Variants in SMARCC1 observed in about 807,000 individuals in gnomAD.
SMARCC1 encodes the protein SWI/SNF related BAF chromatin remodeling complex subunit C1, also known as SWI/SNF complex subunit SMARCC1.
In SMARCC1, 43 loss-of-function variants were observed where a neutral mutation model predicts 147.4. The observed-to-expected ratio is 0.29, with a 90% CI of 0.23 to 0.38. SMARCC1 has a LOEUF of 0.38. Ranked by LOEUF, SMARCC1 falls within the 10% of genes least tolerant of loss-of-function variation. The pLI, the probability that SMARCC1 is intolerant of heterozygous loss-of-function variation, is 1.00. For synonymous variants in SMARCC1, 495 were observed against 484.4 expected (o/e 1.02, Z -0.29); for missense variants, 1,119 against 1,381.1 (o/e 0.81, Z 3.01).
At chr3:47,643,896 A>G (rs1339134610) in intron 21 of SMARCC1, among the ~76,000 whole-genome samples, 1 of 152,230 alleles carries the variant, frequency 6.6e-6, no homozygotes, top group African/African-American at 2.4e-5. Context: ...GGGATTATAA[A>G]AAACCCCAAA....
intron 2 of SMARCC1, among the ~76,000 whole-genome samples, chr3:47,755,990 A>T (rs1402843589): frequency 2.3e-4 from 2 of 8,758 alleles, no homozygotes; most frequent in Admixed American, 1.4e-3. Context: ...GCTTCATCTT[A>T]AAAAAAAAAA....
chr3:47,711,342 A>C (rs2034083044), intron 8 of SMARCC1, among the ~76,000 whole-genome samples: 2 of 152,214 alleles, frequency 1.3e-5, no homozygotes, highest in South Asian at 4.1e-4. Flanking sequence ...CTTCTGAGTA[A>C]GAATAAAATG....
chr3:47,673,406 G>GA (rs1239233033), intron 18 of SMARCC1, among the ~76,000 whole-genome samples: 1 of 125,924 alleles, frequency 7.9e-6, no homozygotes, highest in Admixed American at 7.8e-5. Context: ...GGGTGGGGGG[G>GA]GGGCAGGCCA....
intron 9 of SMARCC1, 72 bp downstream of exon 9, chr3:47,710,611 C>A: frequency 6.7e-7 from 1 of 1,492,750 alleles, no homozygotes; most frequent in Non-Finnish European, 9.2e-7. Context: ...TGACAGCTTA[C>A]TGATGAAGAT....
chr3:47,752,875 C>G (rs1292893966), intron 2 of SMARCC1, among the ~76,000 whole-genome samples: 2 of 152,162 alleles, frequency 1.3e-5, no homozygotes, highest in Non-Finnish European at 2.9e-5. Flanking sequence ...GGGTCAAAGT[C>G]AACTCTAACA....
chr3:47,673,612 CGTGGAG>C (rs2033532505), intron 18 of SMARCC1, among the ~76,000 whole-genome samples: 1 of 152,100 alleles, frequency 6.6e-6, no homozygotes, highest in South Asian at 2.1e-4. Context: ...TCACTTGAAC[CGTGGAG>C]GTGGAGGTTG....
At chr3:47,727,275 G>A (rs1447700247) in intron 6 of SMARCC1, among the ~76,000 whole-genome samples, 8 of 152,138 alleles carry the variant, frequency 5.3e-5, no homozygotes, top group South Asian at 4.2e-4. Flanking sequence ...TTGGGAGGCC[G>A]AGGCAGGTGG....
chr3:47,745,574 A>C (rs867257465), intron 3 of SMARCC1, among the ~76,000 whole-genome samples: 1 of 151,666 alleles, frequency 6.6e-6, no homozygotes, highest in South Asian at 2.1e-4. Context: ...TTAGCCAGGC[A>C]TGGTGGTGCA....
At chr3:47,716,248 T>G (rs560050945) in intron 7 of SMARCC1, among the ~76,000 whole-genome samples, 2 of 151,350 alleles carry the variant, frequency 1.3e-5, no homozygotes, top group African/African-American at 4.8e-5. Context: ...GAAATCCCGT[T>G]TCTATTAAAA....
At chr3:47,743,064 G>A (rs969576459) in intron 3 of SMARCC1, among the ~76,000 whole-genome samples, 3 of 152,172 alleles carry the variant, frequency 2.0e-5, no homozygotes, top group South Asian at 2.1e-4. Context: ...AGTGCTTGCC[G>A]TAATAACAAA....
chr3:47,618,788 A>C (rs1266938021), intron 25 of SMARCC1, among the ~76,000 whole-genome samples: 1 of 152,138 alleles, frequency 6.6e-6, no homozygotes. Flanking sequence ...CTGCAGGTTC[A>C]TTCTTTGAAG....
chr3:47,755,717 G>A (rs2034688821), intron 2 of SMARCC1, among the ~76,000 whole-genome samples: 1 of 151,542 alleles, frequency 6.6e-6, no homozygotes, highest in African/African-American at 2.4e-5. Flanking sequence ...AATAGGCCAG[G>A]CGCGGTGGCT....
intron 6 of SMARCC1, among the ~76,000 whole-genome samples, chr3:47,723,902 C>T (rs2034266546): frequency 6.6e-6 from 1 of 152,012 alleles, no homozygotes; most frequent in Non-Finnish European, 1.5e-5. Context: ...GACCAATAAG[C>T]ATATGAAAAG....
chr3:47,591,172 A>G, intron 26 of SMARCC1, among the ~76,000 whole-genome samples: 1 of 152,176 alleles, frequency 6.6e-6, no homozygotes, highest in Non-Finnish European at 1.5e-5. Flanking sequence ...CTTCCTGAGG[A>G]TATACAATGC....
intron 21 of SMARCC1, among the ~76,000 whole-genome samples, chr3:47,645,280 G>A (rs2033103893): frequency 6.8e-6 from 1 of 147,872 alleles, no homozygotes; most frequent in East Asian, 2.0e-4. Flanking sequence ...GACAGAGCGA[G>A]ACCCTGTCCC....
intron 3 of SMARCC1, among the ~76,000 whole-genome samples, chr3:47,744,928 T>C (rs1334106066): frequency 6.6e-6 from 1 of 152,160 alleles, no homozygotes; most frequent in Admixed American, 6.6e-5. Context: ...GTCCTGAGGA[T>C]AGCAAAATGG....
chr3:47,637,711 C>CAAA (rs57257628), intron 22 of SMARCC1, among the ~76,000 whole-genome samples: 1 of 143,660 alleles, frequency 7.0e-6, no homozygotes. Context: ...GACTCTGTCT[C>CAAA]AAAAAAAAAA....
chr3:47,708,083 CTT>C lies in SMARCC1; in HGVS notation c.919-1555_919-1554del, dbSNP rs915291740. On this transcript the variant is annotated intron_variant, in intron 9 of 27. Transcript: ENST00000254480. ...GTAAATCTGAAGTTGAATTTTTTTTCTTTTTTTTTTTTTTTTTTTTTTTTTTT... is the reference window on the plus strand; with the variant it reads ...GTAAATCTGAAGTTGAATTTTTTTTCTTTTTTTTTTTTTTTTTTTTTTTTT... 6.0e-3 allele frequency among the ~76,000 whole-genome samples: 383 copies of C among 64,268 alleles called. 3 individuals are homozygous for C. The highest frequency in any genetic ancestry group is 0.033 in the South Asian group (60 of 1,838). The allele number at this position is 64,268 out of a possible 152,430, so 42.2% of individuals were successfully genotyped here. A position where few individuals can be genotyped will look rare whatever the true frequency, so the allele number is the denominator to read the frequency against.
chr3:47,718,138 CAAAAAAAAAA>C (rs71070217), intron 7 of SMARCC1, among the ~76,000 whole-genome samples: 1 of 53,678 alleles, frequency 1.9e-5, no homozygotes, highest in Admixed American at 2.3e-4. Context: ...GACCTTGTCT[CAAAAAAAAAA>C]AAAAAAAAAA....
Sources: gnomAD v4.1 joint callset for allele counts (sites outside exome capture counted in the v4.1 genomes callset) on GRCh38, gnomAD v4.1.1 for gene constraint, MANE v1.5 for transcripts, NCBI Gene and HGNC (gene_info 2026-07-23, HGNC 2026-07-21) for gene names.